SEPTIN2: variants seen among roughly 807,000 people sequenced by gnomAD.
SEPTIN2 encodes septin 2.
Under a neutral mutation model 46.5 loss-of-function variants are expected in SEPTIN2, and 34 were observed. The ratio of observed to expected loss-of-function variants is 0.73; its 90% confidence interval spans 0.56 to 0.97. The LOEUF is 0.97. Ranked by LOEUF, SEPTIN2 falls within the 50% of genes least tolerant of loss-of-function variation. The pLI, the probability that SEPTIN2 is intolerant of heterozygous loss-of-function variation, is 0.00. For missense variants in SEPTIN2, 347 were observed against 448.4 expected (o/e 0.77, Z 2.04); for synonymous variants, 175 against 153.4 (o/e 1.14, Z -1.04).
At chr2:241,335,627 A>G (rs575770074) in intron 4 of SEPTIN2, 6 of 580,744 alleles carry the variant, frequency 1.0e-5, no homozygotes, top group Middle Eastern at 4.6e-4. Context: ...AAATAGGCAC[A>G]CATAGTGAGA....
At chr2:241,326,518 C>T (rs2077997255) in intron 3 of SEPTIN2, among the ~76,000 whole-genome samples, 1 of 61,370 alleles carries the variant, frequency 1.6e-5, no homozygotes, top group South Asian at 4.7e-4. Flanking sequence ...CACCTTGCCT[C>T]TTCTCAAATT....
At chr2:241,316,333 T>G in intron 1 of SEPTIN2, 1 of 470,568 alleles carries the variant, frequency 2.1e-6, no homozygotes, top group South Asian at 3.3e-5. Context: ...GGTTTGGTGC[T>G]TGGAGGGAGG....
At chr2:241,336,204 A>T in intron 5 of SEPTIN2, 106 bp downstream of exon 5, 1 of 1,128,044 alleles carries the variant, frequency 8.9e-7, no homozygotes, top group Non-Finnish European at 1.3e-6. Context: ...TGCTGTATAT[A>T]ATAAAACACC....
intron 1 of SEPTIN2, among the ~76,000 whole-genome samples, chr2:241,320,521 C>G (rs565998166): frequency 6.6e-6 from 1 of 152,276 alleles, no homozygotes; most frequent in African/African-American, 2.4e-5. Flanking sequence ...CGGCCAAGCA[C>G]GGTGGCTCAG....
chr2:241,339,033 C>T (rs1204907508), intron 7 of SEPTIN2, among the ~76,000 whole-genome samples: 7 of 112,004 alleles, frequency 6.2e-5, no homozygotes, highest in African/African-American at 2.3e-4. Flanking sequence ...TATTTATATA[C>T]ATATTATATA....
At chr2:241,332,788 A>G (rs1038428088) in intron 3 of SEPTIN2, among the ~76,000 whole-genome samples, 4 of 152,268 alleles carry the variant, frequency 2.6e-5, no homozygotes, top group African/African-American at 7.2e-5. Context: ...GCCAAGCACT[A>G]CAAAGAAACG....
chr2:241,347,480 G>A (rs1344967842), intron 10 of SEPTIN2, among the ~76,000 whole-genome samples: 1 of 152,154 alleles, frequency 6.6e-6, no homozygotes, highest in African/African-American at 2.4e-5. Context: ...GGTGTGCTTG[G>A]GGAGCTTACC....
chr2:241,320,969 G>GATT (rs2077030692), intron 1 of SEPTIN2, among the ~76,000 whole-genome samples: 1 of 151,986 alleles, frequency 6.6e-6, no homozygotes, highest in African/African-American at 2.4e-5. Context: ...TTGATCCTGG[G>GATT]GATATCCAGT....
At chr2:241,342,226 G>A (rs561637213) in intron 7 of SEPTIN2, among the ~76,000 whole-genome samples, 3 of 152,098 alleles carry the variant, frequency 2.0e-5, no homozygotes, top group South Asian at 2.1e-4. Flanking sequence ...TGCCTTTGAC[G>A]AGGTTTTGTT....
At chr2:241,337,912 TC>T in intron 7 of SEPTIN2, 122 bp downstream of exon 7, 2 of 609,552 alleles carry the variant, frequency 3.3e-6, no homozygotes, top group Non-Finnish European at 5.7e-6. Flanking sequence ...GGAGAATTTT[TC>T]CTGCATTTTA....
chr2:241,332,669 T>A (rs1198573117), intron 3 of SEPTIN2, among the ~76,000 whole-genome samples: 1 of 152,264 alleles, frequency 6.6e-6, no homozygotes, highest in Non-Finnish European at 1.5e-5. Context: ...TAAAGATTTG[T>A]ATATGAATAT....
At chr2:241,316,624 A>C in intron 1 of SEPTIN2, 1 of 1,166,184 alleles carries the variant, frequency 8.6e-7, no homozygotes, top group Admixed American at 3.0e-5. Flanking sequence ...GATGAGGAGC[A>C]AACCTGTGGC....
At chr2:241,333,246 C>T (rs1315374177) in intron 3 of SEPTIN2, among the ~76,000 whole-genome samples, 2 of 152,092 alleles carry the variant, frequency 1.3e-5, no homozygotes, top group African/African-American at 4.8e-5. Context: ...ATCAGGAAAA[C>T]CCTAACACAC....
At chr2:241,331,192 GA>G (rs1163096585) in intron 3 of SEPTIN2, among the ~76,000 whole-genome samples, 1 of 151,872 alleles carries the variant, frequency 6.6e-6, no homozygotes, top group African/African-American at 2.4e-5. Context: ...AAAAACAAAA[GA>G]AAAAAATCAC....
intron 12 of SEPTIN2, among the ~76,000 whole-genome samples, chr2:241,350,551 GTTAA>G (rs1357716248): frequency 6.6e-6 from 1 of 152,096 alleles, no homozygotes; most frequent in Non-Finnish European, 1.5e-5. Flanking sequence ...TTGGAAATTT[GTTAA>G]TTGTTAAAAC....
Position 241,343,308 on chromosome 2 carries a change from G to A in SEPTIN2, c.696+215G>A, listed in dbSNP as rs187404079. ...GAGGCCAGGAGTTCCAGACCATCCTGGCCAACATGGTGAAATCTCATCTCC... is the reference window on the plus strand; with the variant it reads ...GAGGCCAGGAGTTCCAGACCATCCTAGCCAACATGGTGAAATCTCATCTCC... On this transcript the variant is annotated intron_variant, in intron 8 of 12. Coordinates refer to ENST00000391971, the MANE Select transcript of SEPTIN2 (RefSeq NM_004404.5). Among the ~76,000 whole-genome samples, 61 of 152,220 alleles carry A rather than the reference G, an allele frequency of 4.0e-4. No individual in the cohort carries two copies. The East Asian group carries it at 0.011, about 28-fold the overall frequency.
intron 1 of SEPTIN2, chr2:241,316,613 G>A: frequency 7.8e-7 from 1 of 1,289,960 alleles, no homozygotes; most frequent in Non-Finnish European, 1.0e-6. Flanking sequence ...GTTGGCCCGG[G>A]GATGAGGAGC....
intron 10 of SEPTIN2, 68 bp from the exon 11 acceptor site, chr2:241,348,066 A>AT: frequency 1.6e-6 from 2 of 1,267,244 alleles, no homozygotes; most frequent in Non-Finnish European, 2.3e-6. Context: ...TTAAAGTAGA[A>AT]TTTTTTGGGG....
intron 12 of SEPTIN2, among the ~76,000 whole-genome samples, chr2:241,350,494 A>G (rs2060687941): frequency 6.6e-6 from 1 of 152,240 alleles, no homozygotes; most frequent in South Asian, 2.1e-4. Flanking sequence ...GCAAATACCA[A>G]CATTAGAAGG....
Sources: allele counts gnomAD v4.1 joint callset (sites outside exome capture counted in the v4.1 genomes callset), GRCh38; gene constraint gnomAD v4.1.1; transcripts MANE v1.5; gene names NCBI Gene and HGNC (gene_info 2026-07-23, HGNC 2026-07-21).